Variants in PAK5 observed in about 807,000 individuals in gnomAD.
PAK5 encodes the protein p21 (RAC1) activated kinase 5.
A neutral mutation model predicts 65.9 loss-of-function variants in PAK5; 16 were observed. That is an observed-to-expected ratio of 0.24 (90% confidence interval 0.16 to 0.37). PAK5 has a LOEUF of 0.37. PAK5 is among the 10% of genes least tolerant of loss of function. PAK5 has a pLI of 1.00. For synonymous variants in PAK5, 371 were observed against 354.9 expected (o/e 1.05, Z -0.51); for missense variants, 785 against 903.9 (o/e 0.87, Z 1.69).
intron 1 of PAK5, among the ~76,000 whole-genome samples, chr20:9,783,870 C>G (rs79200556): frequency 0.043 from 6,516 of 152,180 alleles, 461 homozygotes; most frequent in African/African-American, 0.15. Context: ...GATTTAACCA[C>G]GCTAAAAATC....
intron 1 of PAK5, among the ~76,000 whole-genome samples, chr20:9,779,875 A>G (rs1208820629): frequency 6.6e-6 from 1 of 152,116 alleles, no homozygotes. Context: ...TTTTACTAAT[A>G]GATCAAAGCA....
intron 1 of PAK5, among the ~76,000 whole-genome samples, chr20:9,831,727 C>T (rs1217897981): frequency 6.6e-6 from 1 of 152,158 alleles, no homozygotes; most frequent in African/African-American, 2.4e-5. Context: ...AGCCTGGTGT[C>T]AAACTCCTGA....
intron 1 of PAK5, among the ~76,000 whole-genome samples, chr20:9,800,886 ATTGAGAGC>A (rs1408393322): frequency 1.3e-5 from 2 of 151,936 alleles, no homozygotes; most frequent in African/African-American, 4.8e-5. Flanking sequence ...GACAGACACC[ATTGAGAGC>A]TAAGATGCCA....
chr20:9,642,799 A>G (rs2047086640), intron 3 of PAK5, among the ~76,000 whole-genome samples: 1 of 152,196 alleles, frequency 6.6e-6, no homozygotes, highest in Non-Finnish European at 1.5e-5. Context: ...ATCTTCTCAA[A>G]TATCCATTTT....
At chr20:9,762,201 G>C (rs1315154798) in intron 1 of PAK5, among the ~76,000 whole-genome samples, 1 of 152,120 alleles carries the variant, frequency 6.6e-6, no homozygotes, top group Non-Finnish European at 1.5e-5. Context: ...CATTGGTCTT[G>C]GCAGTAAATT....
Position 9,580,167 on chromosome 20 carries a change from T to C in PAK5, c.968A>G (p.Glu323Gly), listed in dbSNP as rs140079492. Residue 323 changes from glutamate (E) to glycine (G), a missense_variant, in exon 4 of 10, where the codon GAG becomes GGG. By Grantham distance (98) the Glu-to-Gly change is moderately conservative. This residue lies in a region of PAK5 where 422 missense variants were observed against 413.3 expected (regional missense o/e 1.02). Coordinates refer to ENST00000353224, the MANE Select transcript of PAK5 (RefSeq NM_177990.4). The stretch of plus-strand genomic sequence containing the variant: ...TACCTTTGGAATGCACATTGTGGGC[T>C]CGGACAAGCGAGGGTAGGTGTAGGA... ...YNSYTYPRLS[E>G]PTMCIPKVDY... 1,247 of 1,612,806 alleles carry C rather than the reference T, an allele frequency of 7.7e-4. 3 individuals are homozygous for C. Among genetic ancestry groups the C allele is most frequent in the Non-Finnish European group, 9.8e-4 (1,151 of 1,179,070 alleles).
rs529322245 is a variant in PAK5 at position 9,835,369 on chromosome 20, C to T, written c.-162+3393G>A. On this transcript the variant is annotated intron_variant, in intron 1 of 9. Coordinates refer to ENST00000353224, the MANE Select transcript of PAK5 (RefSeq NM_177990.4). ...AAGGAAGCCCAAGGGATGAGTATGA[C>T]CCAGACTGGTAAAATATAGAGGGAA... 3.3e-5 allele frequency among the ~76,000 whole-genome samples: 5 copies of T among 152,230 alleles called. No homozygotes were observed. In the East Asian group the frequency reaches 9.7e-4, roughly 29 times the overall value.
At chr20:9,813,144 T>A (rs2049317379) in intron 1 of PAK5, among the ~76,000 whole-genome samples, 1 of 152,150 alleles carries the variant, frequency 6.6e-6, no homozygotes, top group Non-Finnish European at 1.5e-5. Context: ...ACCTTATGTA[T>A]GATTTCACGT....
intron 3 of PAK5, among the ~76,000 whole-genome samples, chr20:9,605,157 CA>C (rs1286373747): frequency 6.6e-6 from 1 of 152,214 alleles, no homozygotes; most frequent in African/African-American, 2.4e-5. Flanking sequence ...AGAGCCATGT[CA>C]AATGCAGGTC....
intron 9 of PAK5, among the ~76,000 whole-genome samples, chr20:9,539,924 A>G (rs945382355): frequency 1.3e-4 from 20 of 152,226 alleles, no homozygotes; most frequent in Admixed American, 7.9e-4. Flanking sequence ...TAGTATGTGC[A>G]GGTGCTGGTC....
rs549827626 is a variant in PAK5 at position 9,725,055 on chromosome 20, A to T, written c.-161-13620T>A. ...ACATACCCACAAAAATTAAAAATTT[A>T]AAAAATTTTTAAAATAAAATGGAAC... On this transcript the variant is annotated intron_variant, in intron 1 of 9. Coordinates refer to ENST00000353224, the MANE Select transcript of PAK5 (RefSeq NM_177990.4). Among the ~76,000 whole-genome samples, 117 of 152,250 alleles carry T rather than the reference A, an allele frequency of 7.7e-4. 1 individual carries two copies. Among genetic ancestry groups the T allele is most frequent in the African/African-American group, 2.7e-3 (111 of 41,520 alleles).
chr20:9,634,815 T>A lies in PAK5; in HGVS notation c.204+9310A>T, dbSNP rs147090367. On this transcript the variant is annotated intron_variant, in intron 3 of 9. Coordinates refer to ENST00000353224, the MANE Select transcript of PAK5 (RefSeq NM_177990.4). The stretch of plus-strand genomic sequence containing the variant: ...TGTTTCTATTCCACAGTCTTTGTGG[T>A]GGTGGGAGGGCTGAAAAGGCATACT... Among the ~76,000 whole-genome samples the A allele has an allele frequency of 9.9e-5, 15 of 152,082 alleles. No homozygotes were observed. In the East Asian group the frequency reaches 2.9e-3, roughly 29 times the overall value.
chr20:9,764,872 T>C (rs928592874), intron 1 of PAK5, among the ~76,000 whole-genome samples: 1 of 152,212 alleles, frequency 6.6e-6, no homozygotes, highest in African/African-American at 2.4e-5. Context: ...AAATAACAGA[T>C]GGTTCTGAGT....
chr20:9,836,002 A>G (rs1979118490), intron 1 of PAK5, among the ~76,000 whole-genome samples: 1 of 152,116 alleles, frequency 6.6e-6, no homozygotes, highest in Admixed American at 6.5e-5. Flanking sequence ...TGTTTGAGAT[A>G]CTCTAGAAGA....
chr20:9,654,054 A>G (rs1193207660), intron 2 of PAK5, among the ~76,000 whole-genome samples: 1 of 150,620 alleles, frequency 6.6e-6, no homozygotes. Flanking sequence ...GCTCACTGCA[A>G]CCTCTGCCTC....
intron 3 of PAK5, among the ~76,000 whole-genome samples, chr20:9,613,108 G>A (rs921016112): frequency 3.3e-5 from 5 of 152,194 alleles, no homozygotes; most frequent in South Asian, 2.1e-4. Context: ...AGAAATGAAT[G>A]AGTGTGGTTG....
chr20:9,697,831 AATTATT>A (rs2047889268), intron 2 of PAK5, among the ~76,000 whole-genome samples: 1 of 152,120 alleles, frequency 6.6e-6, no homozygotes, highest in Non-Finnish European at 1.5e-5. Flanking sequence ...AGGCTGACAT[AATTATT>A]AACAGCTCTC....
intron 7 of PAK5, 101 bp downstream of exon 7, chr20:9,557,507 A>G (rs904491479): frequency 1.8e-5 from 18 of 1,008,680 alleles, no homozygotes; most frequent in Admixed American, 1.4e-4. Flanking sequence ...CTTGTGACTA[A>G]GAAAAATTAG....
chr20:9,637,857 C>T (rs1462414628), intron 3 of PAK5, among the ~76,000 whole-genome samples: 1 of 151,904 alleles, frequency 6.6e-6, no homozygotes, highest in Non-Finnish European at 1.5e-5. Flanking sequence ...TAGGTAGAAG[C>T]TACAAAAGCT....
Sources: allele counts gnomAD v4.1 joint callset (sites outside exome capture counted in the v4.1 genomes callset), GRCh38; gene constraint gnomAD v4.1.1; regional missense constraint gnomAD v4.1.1; transcripts MANE v1.5; gene names NCBI Gene and HGNC (gene_info 2026-07-23, HGNC 2026-07-21).